TSPOAP1: variants seen among roughly 807,000 people sequenced by gnomAD.
TSPOAP1 encodes the protein TSPO associated protein 1.
TSPOAP1 carries 87 observed loss-of-function variants against 197.0 expected under a neutral mutation model. The ratio of observed to expected loss-of-function variants is 0.44; its 90% CI spans 0.37 to 0.53. The LOEUF is 0.53. Ranked by LOEUF, TSPOAP1 falls within the 20% of genes least tolerant of loss-of-function variation. TSPOAP1 has a pLI of 0.00. For synonymous variants in TSPOAP1, 913 were observed against 998.9 expected, an observed-to-expected ratio of 0.91 and a Z score of 1.62; for missense variants, 2,174 against 2,411.3, an observed-to-expected ratio of 0.90 and a Z score of 2.06.
In TSPOAP1 at chr17:58,309,249, C is replaced by T. The variant is rs758972779; in HGVS notation, c.4023G>A (p.Glu1341=). The T allele has an allele frequency of 6.2e-7, 1 of 1,614,004 alleles. No homozygotes were observed. Among genetic ancestry groups the T allele is most frequent in the South Asian group, 1.1e-5 (1 of 91,090 alleles). ...CCCCTGACTTCTCCTCCTCCTCGTC[C>T]TCCTCTTCCTCTTCCTCCTCCTCCG... ...SIPEEEEEEE[E]DEEEEKSGAG... is the part of the protein sequence containing the mutation. Residue 1341 remains glutamate (E), a synonymous_variant, in exon 22 of 32, where the codon GAG becomes GAA. Transcript: ENST00000343736. This position sits in a 1 kb window ranked among gnomAD's most constrained non-coding sequence, Gnocchi z 5.0.
Position 58,312,433 on chromosome 17 carries a change from A to T in TSPOAP1, c.2388T>A (p.Arg796=). The T allele has an allele frequency of 6.2e-7, 1 of 1,613,138 alleles. No individual in the cohort carries two copies. Among genetic ancestry groups the T allele is most frequent in the Non-Finnish European group, 8.5e-7 (1 of 1,179,798 alleles). The change falls in exon 17 of 32, where the codon CGT becomes CGA. Residue 796 remains arginine (R), a synonymous_variant. Coordinates refer to ENST00000343736, the MANE Select transcript of TSPOAP1 (RefSeq NM_004758.4). ...GGGCCAGCTGCTTGAGGACCACCAG[A>T]CGGCGGGGGTAAGGCACGGCAGGAG... The part of the protein sequence containing the change: ...GEPPAVPYPR[R]LVVLKQLAHS...
rs375801830 is a variant in TSPOAP1, at chr17:58,312,040, G to A, written c.2781C>T (p.Thr927=). 14 of 1,613,570 alleles carry A rather than the reference G, an allele frequency of 8.7e-6. No individual in the cohort carries two copies. The highest frequency in any genetic ancestry group is 1.2e-5 in the Non-Finnish European group (14 of 1,179,964). The change falls in exon 17 of 32, where the codon ACC becomes ACT. Residue 927 remains threonine (T), a synonymous_variant. Transcript: ENST00000343736. ...GEECPPASPS[T]YWATFCHLRP... is the part of the protein sequence containing the mutation. The stretch of plus-strand genomic sequence containing the variant: ...GTAAGTGGCAGAAGGTGGCCCAGTA[G>A]GTACTGGGGCTGGCAGGTGGGCACT...
At chr17:58,306,297 A>C (rs1970889477) in intron 26 of TSPOAP1, 45 bp downstream of exon 26, 1 of 1,519,984 alleles carries the variant, frequency 6.6e-7, no homozygotes, top group Non-Finnish European at 8.9e-7. Flanking sequence ...ACCCCACCGC[A>C]CACACATCCT....
Position 58,323,396 on chromosome 17 carries a change from C to A in TSPOAP1, c.1021-15G>T, listed in dbSNP as rs895995572. 3 of 1,614,134 alleles carry A rather than the reference C, an allele frequency of 1.9e-6. No homozygotes were observed. Among genetic ancestry groups the A allele is most frequent in the Admixed American group, 1.7e-5 (1 of 60,012 alleles). ...AGCTCCGATTCCTGAGGGGTCAGAA[C>A]CAAGTGCTCCTCATGAGGGAAGGTA... is the stretch of plus-strand genomic sequence containing the variant. On this transcript the variant is annotated splice_polypyrimidine_tract_variant and intron_variant, in intron 6 of 31. Transcript: ENST00000343736.
chr17:58,316,354 C>A, intron 15 of TSPOAP1, 71 bp downstream of exon 15: 1 of 1,402,192 alleles, frequency 7.1e-7, no homozygotes, highest in East Asian at 2.3e-5. Context: ...AGGTCTCCAG[C>A]TCCACCCGGC....
In TSPOAP1 at chr17:58,328,118, A is replaced by T. The variant is rs1971710910; in HGVS notation, c.-198T>A. The T allele has an allele frequency of 1.7e-6, 1 of 599,156 alleles. No homozygotes were observed. Among genetic ancestry groups the T allele is most frequent in the African/African-American group, 1.9e-5 (1 of 53,910 alleles). 37.1% of individuals were successfully genotyped at this position (599,156 alleles called of 1,614,324 possible). On this transcript the variant is annotated 5_prime_UTR_variant, in exon 1 of 32. Transcript: ENST00000343736. This position sits in a 1 kb window ranked among gnomAD's most constrained non-coding sequence, Gnocchi z 4.3. ...CGCCAGGGCTGCTGGAGCTGGAGCC[A>T]GGGGTATGTGAGCTATGTTTGCTGG...
At position 58,312,464 on chromosome 17, in the gene TSPOAP1, C is replaced by T; in HGVS notation, c.2357G>A (p.Gly786Asp). 6.2e-7 allele frequency: 1 copy of T among 1,611,158 alleles called. No homozygotes were observed. Among genetic ancestry groups the T allele is most frequent in the Non-Finnish European group, 8.5e-7 (1 of 1,178,852 alleles). ...LSLSPSPEGLGEPPAVPYPRR... is the reference protein window; with the variant it reads ...LSLSPSPEGLDEPPAVPYPRR... The stretch of plus-strand genomic sequence containing the variant: ...GGGGTAAGGCACGGCAGGAGGCTCG[C>T]CCAGGCCCTCCGGTGATGGGCTCAG... Residue 786 changes from glycine to aspartate, a missense_variant, in exon 17 of 32, where the codon GGC becomes GAC. Gly to Asp is a moderately conservative substitution (Grantham distance 94). Transcript: ENST00000343736.
intron 15 of TSPOAP1, 110 bp from the exon 16 acceptor site, chr17:58,316,242 T>G: frequency 1.8e-6 from 2 of 1,134,792 alleles, no homozygotes; most frequent in Non-Finnish European, 2.6e-6. Context: ...TGGTTGTGGT[T>G]GTCCACCACC....
In TSPOAP1 at chr17:58,316,014, C is replaced by A; in HGVS notation, c.2098+9G>T. 6.2e-7 allele frequency: 1 copy of A among 1,605,710 alleles called. No individual in the cohort carries two copies. The highest frequency in any genetic ancestry group is 1.1e-5 in the South Asian group (1 of 90,912). ...GAATGGACAGAATGACCCCCCACTACATTCCTACCTTCAAAAAAGCCATCC... is the reference window on the plus strand; with the variant it reads ...GAATGGACAGAATGACCCCCCACTAAATTCCTACCTTCAAAAAAGCCATCC... On this transcript the variant is annotated intron_variant, in intron 16 of 31. Coordinates refer to ENST00000343736, the MANE Select transcript of TSPOAP1 (RefSeq NM_004758.4).
chr17:58,327,184 G>GC (rs1295131322), intron 1 of TSPOAP1, among the ~76,000 whole-genome samples: 1 of 151,248 alleles, frequency 6.6e-6, no homozygotes, highest in Non-Finnish European at 1.5e-5. Context: ...CCAGCACCAA[G>GC]CCCCCTCCCC....
In TSPOAP1 at chr17:58,327,935, G is replaced by A. The variant is rs1401351626; in HGVS notation, c.-15C>T. 3.8e-6 allele frequency: 6 copies of A among 1,577,164 alleles called. No homozygotes were observed. Among genetic ancestry groups the A allele is most frequent in the Non-Finnish European group, 5.2e-6 (6 of 1,157,608 alleles). ...AGTTGCTCCATGGTACTGCCAAGGG[G>A]CCCCAGAACCCGGGCCGGGGGACAT... On this transcript the variant is annotated 5_prime_UTR_variant, in exon 1 of 32. Coordinates refer to ENST00000343736, the MANE Select transcript of TSPOAP1 (RefSeq NM_004758.4).
rs1971007496 is a variant in TSPOAP1 at position 58,309,249 on chromosome 17, C to CTCCTCTTCCTCCTCT, written c.4022_4023insAGAGGAGGAAGAGGA (p.Glu1337_Glu1341dup). The CTCCTCTTCCTCCTCT allele has an allele frequency of 6.2e-7, 1 of 1,614,004 alleles. No individual in the cohort carries two copies. The highest frequency in any genetic ancestry group is 8.5e-7 in the Non-Finnish European group (1 of 1,179,956). On this transcript the variant is annotated inframe_insertion, in exon 22 of 32. Coordinates refer to ENST00000343736, the MANE Select transcript of TSPOAP1 (RefSeq NM_004758.4). The surrounding 1 kb of genome is among the most constrained non-coding windows in gnomAD (Gnocchi z 5.0). Reference sequence around the variant, plus strand: ...CCCCTGACTTCTCCTCCTCCTCGTCCTCCTCTTCCTCTTCCTCCTCCTCCG... The same window carrying CTCCTCTTCCTCCTCT: ...CCCCTGACTTCTCCTCCTCCTCGTCCTCCTCTTCCTCCTCTTCCTCTTCCTCTTCCTCCTCCTCCG...
chr17:58,304,461 G>T lies in TSPOAP1; in HGVS notation c.5545-62C>A. ...GACAGACCCGCACCTTCTCCGCCCG[G>T]CCACCAGGTGGCCCTGCGCAGGGGT... On this transcript the variant is annotated intron_variant, in intron 30 of 31. Transcript: ENST00000343736. This position sits in a 1 kb window ranked among gnomAD's most constrained non-coding sequence, Gnocchi z 4.2. 7.0e-7 allele frequency: 1 copy of T among 1,434,578 alleles called. No individual in the cohort carries two copies. The highest frequency in any genetic ancestry group is 9.8e-7 in the Non-Finnish European group (1 of 1,016,980). The allele number at this position is 1,434,578 out of a possible 1,614,324, so 88.9% of individuals were successfully genotyped here. A position where few individuals can be genotyped will look rare whatever the true frequency, so the allele number is the denominator to read the frequency against.
rs558825606 is a variant in TSPOAP1, at chr17:58,307,915, C to A, written c.4758G>T (p.Gly1586=). Residue 1586 remains glycine (G), a synonymous_variant, in exon 23 of 32, where the codon GGG becomes GGT. Transcript: ENST00000343736. ...SRATETGEAR[G]QDGSGRRGPQ... ...GGCCCCTCCGCCCAGAGCCGTCCTG[C>A]CCTCTGGCCTCTCCGGTCTCTGTTG... is the stretch of plus-strand genomic sequence containing the variant. 4 of 1,613,042 alleles carry A rather than the reference C, an allele frequency of 2.5e-6. No homozygotes were observed. In the South Asian group the frequency reaches 4.4e-5, roughly 18 times the overall value.
chr17:58,328,398 G>T lies in TSPOAP1; in HGVS notation c.-478C>A, dbSNP rs1971722665. On this transcript the variant is annotated 5_prime_UTR_variant, in exon 1 of 32. Transcript: ENST00000343736. The surrounding 1 kb of genome is among the most constrained non-coding windows in gnomAD (Gnocchi z 4.3). ...CAGTTGTTTGTGTGTGTGTGTGTGG[G>T]TGTCTGTATTGCAGGGCTGTGGCAG... The T allele has an allele frequency of 5.2e-6, 1 of 193,980 alleles. No individual in the cohort carries two copies. The highest frequency in any genetic ancestry group is 5.3e-5 in the Admixed American group (1 of 18,820). 12.0% of individuals were successfully genotyped at this position (193,980 alleles called of 1,614,324 possible).
chr17:58,324,842 G>C lies in TSPOAP1; in HGVS notation c.911C>G (p.Ala304Gly), dbSNP rs1452157980. 1 of 1,514,430 alleles carries C rather than the reference G, an allele frequency of 6.6e-7. No homozygotes were observed. Among genetic ancestry groups the C allele is most frequent in the Non-Finnish European group, 8.8e-7 (1 of 1,134,240 alleles). The allele number at this position is 1,514,430 out of a possible 1,614,324, so 93.8% of individuals were successfully genotyped here. A position where few individuals can be genotyped will look rare whatever the true frequency, so the allele number is the denominator to read the frequency against. ...CGGGGCCCCGGGAGCAGGCGCCCCT[G>C]CTCTGGCCTGGAGAGCAGGGCCCGG... is the stretch of plus-strand genomic sequence containing the variant. ...WPPGPALQAR[A>G]GAPAPGAPGE... Residue 304 changes from alanine (A) to glycine (G), a missense_variant, in exon 5 of 32, where the codon GCA (alanine) becomes GGA (glycine). Transcript: ENST00000343736. The surrounding 1 kb of genome is among the most constrained non-coding windows in gnomAD (Gnocchi z 5.8).
At chr17:58,308,010 C>A in intron 22 of TSPOAP1, 69 bp from the exon 23 acceptor site, 1 of 1,430,050 alleles carries the variant, frequency 7.0e-7, no homozygotes, top group South Asian at 1.3e-5. Flanking sequence ...GCTCCCCCAG[C>A]TCTGCCCCAT....
intron 17 of TSPOAP1, 41 bp downstream of exon 17, chr17:58,311,851 C>A: frequency 6.7e-7 from 1 of 1,495,522 alleles, no homozygotes; most frequent in Non-Finnish European, 8.9e-7. Flanking sequence ...CATGGCCTGG[C>A]CTCCTGGGTG....
rs900477400 is a variant in TSPOAP1 at position 58,307,713 on chromosome 17, G to A, written c.4881C>T (p.Val1627=). 5 of 1,614,074 alleles carry A rather than the reference G, an allele frequency of 3.1e-6. No homozygotes were observed. The African/African-American group carries it at 6.7e-5, about 22-fold the overall frequency. Residue 1627 remains valine, a synonymous_variant, in exon 24 of 32, where the codon GTC becomes GTT. Coordinates refer to ENST00000343736, the MANE Select transcript of TSPOAP1 (RefSeq NM_004758.4). ...SETLAYQHLP[V]RIFVALFDYD... is the part of the protein sequence containing the mutation. ...AGTCAAACAGAGCCACAAAGATCCT[G>A]ACGGGTAGGTGCTGGTAAGCCAGTG...
Sources: gnomAD v4.1 joint callset for allele counts (sites outside exome capture counted in the v4.1 genomes callset) on GRCh38, gnomAD v4.1.1 for gene constraint, Gnocchi (gnomAD v3.1) non-coding constraint, MANE v1.5 for transcripts, NCBI Gene and HGNC (gene_info 2026-07-23, HGNC 2026-07-21) for gene names.